Variants in MCCC2 observed in about 807,000 individuals in gnomAD.
MCCC2 encodes the protein methylcrotonyl-CoA carboxylase subunit 2.
A neutral mutation model predicts 77.2 loss-of-function variants in MCCC2; 52 were observed. That is an observed-to-expected ratio of 0.67 (90% CI 0.54 to 0.85). The LOEUF (loss-of-function observed/expected upper bound fraction) is 0.85, where lower values mean the gene tolerates loss of function less well. MCCC2 is among the 40% of genes least tolerant of loss of function. MCCC2 has a pLI of 0.00. For missense variants in MCCC2, 682 were observed against 703.2 expected, an observed-to-expected ratio of 0.97 and a Z score of 0.34; for synonymous variants, 253 against 248.4, an observed-to-expected ratio of 1.02 and a Z score of -0.18.
chr5:71,590,906 A>T (rs1395235746), intron 1 of MCCC2, among the ~76,000 whole-genome samples: 2 of 152,004 alleles, frequency 1.3e-5, no homozygotes, highest in African/African-American at 4.8e-5. Flanking sequence ...TCTATCTTGG[A>T]GAATGTTGCC....
chr5:71,617,671 A>C (rs1399279023), intron 6 of MCCC2, among the ~76,000 whole-genome samples: 1 of 152,180 alleles, frequency 6.6e-6, no homozygotes. Context: ...AATCACTTCT[A>C]ACTTCAATTA....
At chr5:71,625,551 T>C (rs1251009750) in intron 6 of MCCC2, among the ~76,000 whole-genome samples, 1 of 152,218 alleles carries the variant, frequency 6.6e-6, no homozygotes. Flanking sequence ...ATTGTAACAA[T>C]GCTATGTGAG....
At chr5:71,589,896 T>A (rs2112261906) in intron 1 of MCCC2, among the ~76,000 whole-genome samples, 1 of 152,336 alleles carries the variant, frequency 6.6e-6, no homozygotes, top group Non-Finnish European at 1.5e-5. Context: ...GTCTGGCTCA[T>A]AACTCTTGAG....
intron 8 of MCCC2, among the ~76,000 whole-genome samples, chr5:71,633,129 A>AT (rs1215619050): frequency 2.4e-5 from 2 of 81,982 alleles, no homozygotes; most frequent in East Asian, 5.2e-4. Context: ...ATATATATAT[A>AT]TATTTTTATT....
Position 71,641,029 on chromosome 5 carries a change from C to G in MCCC2, c.1026C>G (p.Ser342Arg). 1 of 1,614,020 alleles carries G rather than the reference C, an allele frequency of 6.2e-7. No individual in the cohort carries two copies. Among genetic ancestry groups the G allele is most frequent in the Non-Finnish European group, 8.5e-7 (1 of 1,179,942 alleles). Residue 342 changes from serine to arginine, a missense_variant, in exon 11 of 17, where the codon AGC (serine) becomes AGG (arginine). Transcript: ENST00000340941. ...REVIARIVDG[S>R]RFTEFKAFYG... ...TCATTGCTAGAATCGTGGATGGAAG[C>G]AGATTCACTGAGTTCAAAGCCTTTT...
chr5:71,590,510 C>T (rs1744930950), intron 1 of MCCC2, among the ~76,000 whole-genome samples: 1 of 152,036 alleles, frequency 6.6e-6, no homozygotes, highest in Non-Finnish European at 1.5e-5. Flanking sequence ...AGTTTCATTC[C>T]ATTGTGATTG....
intron 12 of MCCC2, among the ~76,000 whole-genome samples, chr5:71,644,784 A>G (rs1747233665): frequency 6.6e-6 from 1 of 152,192 alleles, no homozygotes; most frequent in Non-Finnish European, 1.5e-5. Context: ...ATTGAGGAAG[A>G]ATTTGTCTTT....
At chr5:71,607,694 G>T (rs1745743059) in intron 6 of MCCC2, among the ~76,000 whole-genome samples, 2 of 148,704 alleles carry the variant, frequency 1.3e-5, no homozygotes, top group Non-Finnish European at 3.0e-5. Flanking sequence ...GATCTTTCCT[G>T]CTTTCTCTTG....
In MCCC2 at chr5:71,635,019, C is replaced by G. The variant is rs1746868690; in HGVS notation, c.880C>G (p.Leu294Val). ...CTTAACTAGGAAGGTTGTGAGGAAT[C>G]TAAATTATCAGAAGAAATTGGATGT... is the stretch of plus-strand genomic sequence containing the variant. ...LHLTRKVVRNLNYQKKLDVTI... is the reference protein window; with the variant it reads ...LHLTRKVVRNVNYQKKLDVTI... Residue 294 changes from leucine to valine, a missense_variant, in exon 9 of 17, where the codon CTA (leucine) becomes GTA (valine). Coordinates refer to ENST00000340941, the MANE Select transcript of MCCC2 (RefSeq NM_022132.5). The G allele has an allele frequency of 3.1e-6, 5 of 1,614,070 alleles. No homozygotes were observed. In the East Asian group the frequency reaches 1.1e-4, roughly 36 times the overall value.
At position 71,657,310 on chromosome 5, in the gene MCCC2, T is replaced by TG. The variant is rs1318579008; in HGVS notation, c.*451dup. On this transcript the variant is annotated 3_prime_UTR_variant, in exon 17 of 17. Transcript: ENST00000340941. ...GTGGCATAAAGTGCCCTCACACTGCTGTGCAGCCATCACCACCATTCATCT... is the reference window on the plus strand; with the variant it reads ...GTGGCATAAAGTGCCCTCACACTGCTGGTGCAGCCATCACCACCATTCATCT... 1.0e-5 allele frequency: 2 copies of TG among 195,298 alleles called. No individual in the cohort carries two copies. The highest frequency in any genetic ancestry group is 2.1e-5 in the Non-Finnish European group (2 of 94,432). 12.1% of individuals were successfully genotyped at this position (195,298 alleles called of 1,614,324 possible).
intron 6 of MCCC2, among the ~76,000 whole-genome samples, chr5:71,607,903 TC>T (rs1450760606): frequency 7.2e-6 from 1 of 139,118 alleles, no homozygotes; most frequent in Non-Finnish European, 1.6e-5. Context: ...AGATTCTTAA[TC>T]CTGAGTTCTA....
chr5:71,618,488 TCTTCCTTCCTTCCTTC>T (rs60010762), intron 6 of MCCC2, among the ~76,000 whole-genome samples: 3,955 of 97,146 alleles, frequency 0.041, 76 homozygotes, highest in Middle Eastern at 0.075. Flanking sequence ...CTTCTTTCCT[TCTTCCTTCCTTCCTTC>T]CTTCCTTCCT....
chr5:71,622,440 G>A (rs542897558), intron 6 of MCCC2, among the ~76,000 whole-genome samples: 10 of 152,018 alleles, frequency 6.6e-5, no homozygotes, highest in African/African-American at 1.9e-4. Context: ...TTACAGCTTC[G>A]TTGAGATATA....
At position 71,656,947 on chromosome 5, in the gene MCCC2, G is replaced by A; in HGVS notation, c.*87G>A. The A allele has an allele frequency of 3.0e-6, 3 of 983,766 alleles. No homozygotes were observed. Among genetic ancestry groups the A allele is most frequent in the Non-Finnish European group, 4.9e-6 (3 of 612,928 alleles). 60.9% of individuals were successfully genotyped at this position (983,766 alleles called of 1,614,324 possible). On this transcript the variant is annotated 3_prime_UTR_variant, in exon 17 of 17. Coordinates refer to ENST00000340941, the MANE Select transcript of MCCC2 (RefSeq NM_022132.5). ...AAATTTTAGACTTCTCGAACATGAGGCTGTTACAGTAATTTTTTTAACACT... is the reference window on the plus strand; with the variant it reads ...AAATTTTAGACTTCTCGAACATGAGACTGTTACAGTAATTTTTTTAACACT...
At chr5:71,589,515 G>A (rs1379499747) in intron 1 of MCCC2, among the ~76,000 whole-genome samples, 2 of 152,238 alleles carry the variant, frequency 1.3e-5, no homozygotes, top group African/African-American at 2.4e-5. Context: ...CATGGCCGAA[G>A]GCACAGGAGC....
intron 13 of MCCC2, among the ~76,000 whole-genome samples, chr5:71,648,611 A>G (rs1747338834): frequency 6.6e-6 from 1 of 152,208 alleles, no homozygotes; most frequent in African/African-American, 2.4e-5. Context: ...CTTTGTCCTT[A>G]ACTAGCCATG....
chr5:71,629,735 C>CATTATTATTATTATTATTATTATT lies in MCCC2; in HGVS notation c.739-2381_739-2358dup, dbSNP rs3066461. 2.4e-4 allele frequency among the ~76,000 whole-genome samples: 36 copies of CATTATTATTATTATTATTATTATT among 147,978 alleles called. 1 individual carries two copies. Among genetic ancestry groups the CATTATTATTATTATTATTATTATT allele is most frequent in the African/African-American group, 7.7e-4 (31 of 40,508 alleles). On this transcript the variant is annotated intron_variant, in intron 7 of 16. Transcript: ENST00000340941. ...AGGCATTATTTTAAAAGCCTGCAGC[C>CATTATTATTATTATTATTATTATT]ATTATTATTATTATTATTATTATTA...
chr5:71,611,896 C>G (rs1280345300), intron 6 of MCCC2, among the ~76,000 whole-genome samples: 1 of 151,090 alleles, frequency 6.6e-6, no homozygotes, highest in Non-Finnish European at 1.5e-5. Flanking sequence ...TCACGCTATT[C>G]TCCTGCCTCA....
intron 3 of MCCC2, among the ~76,000 whole-genome samples, chr5:71,596,859 G>C (rs755233889): frequency 1.3e-5 from 2 of 151,918 alleles, no homozygotes; most frequent in African/African-American, 2.4e-5. Flanking sequence ...AGAGTCGCTC[G>C]AACCCCAGAG....
Sources: gnomAD v4.1 joint callset for allele counts (sites outside exome capture counted in the v4.1 genomes callset) on GRCh38, gnomAD v4.1.1 for gene constraint, MANE v1.5 for transcripts, NCBI Gene and HGNC (gene_info 2026-07-23, HGNC 2026-07-21) for gene names.